Variants in CLEC12A observed in about 807,000 individuals in gnomAD.
CLEC12A encodes C-type lectin domain family 12 member A, also known as C-type lectin protein CLL-1.
CLEC12A carries 22 observed loss-of-function variants against 26.5 expected under a neutral mutation model. The observed-to-expected ratio is 0.83, with a 90% CI of 0.59 to 1.19. The LOEUF is 1.19. Among genes scored for constraint, CLEC12A ranks in the 50% most tolerant of loss-of-function variants. The pLI is 0.00. For missense variants in CLEC12A, 353 were observed against 315.6 expected, an observed-to-expected ratio of 1.12 and a Z score of -0.90; for synonymous variants, 119 against 101.9, an observed-to-expected ratio of 1.17 and a Z score of -1.01.
intron 5 of CLEC12A, chr12:9,983,650 G>A (rs1341800842): frequency 6.7e-6 from 4 of 596,078 alleles, no homozygotes; most frequent in Non-Finnish European, 1.2e-5. Flanking sequence ...CAACTGTGTT[G>A]AGGTGCCACC....
At chr12:9,963,823 A>G (rs981361903) in intron 1 of CLEC12A, among the ~76,000 whole-genome samples, 6 of 152,194 alleles carry the variant, frequency 3.9e-5, no homozygotes, top group Non-Finnish European at 8.8e-5. Context: ...ACTCCTGGGG[A>G]TCCAGCTAGG....
At position 9,954,060 on chromosome 12, in the gene CLEC12A, A is replaced by G. The variant is rs1262860037; in HGVS notation, c.10+2704A>G. On this transcript the variant is annotated intron_variant, in intron 1 of 6. Transcript: ENST00000355690. ...AATCCCTAATCTCAAGTAATCAGGG[A>G]CACAAACACTGCGGAAGGCCGCAGG... is the stretch of plus-strand genomic sequence containing the variant. 3.4e-5 allele frequency among the ~76,000 whole-genome samples: 5 copies of G among 148,422 alleles called. No individual in the cohort carries two copies. In the East Asian group the frequency reaches 9.8e-4, roughly 29 times the overall value.
downstream of CLEC12A, among the ~76,000 whole-genome samples, chr12:9,996,537 G>A (rs1865051889): frequency 6.8e-6 from 1 of 146,066 alleles, no homozygotes; most frequent in Non-Finnish European, 1.6e-5. Context: ...AGCACAGCAA[G>A]TTAGAACAAC....
chr12:9,985,570 G>A lies in CLEC12A; in HGVS notation c.*544G>A, dbSNP rs1864745613. 2.5e-6 allele frequency: 1 copy of A among 398,204 alleles called. No homozygotes were observed. The highest frequency in any genetic ancestry group is 4.4e-6 in the Non-Finnish European group (1 of 225,880). 24.7% of individuals were successfully genotyped at this position (398,204 alleles called of 1,614,324 possible). A position where few individuals can be genotyped will look rare whatever the true frequency, so the allele number is the denominator to read the frequency against. On this transcript the variant is annotated 3_prime_UTR_variant, in exon 6 of 6. Transcript: ENST00000304361. ...CTTAAAATTATTATTTTAAGTAAAAGCCAATAAACAAAAACGAAAAGGCAA... is the reference window on the plus strand; with the variant it reads ...CTTAAAATTATTATTTTAAGTAAAAACCAATAAACAAAAACGAAAAGGCAA...
chr12:9,954,228 A>G (rs1863703607), intron 1 of CLEC12A, among the ~76,000 whole-genome samples: 1 of 148,932 alleles, frequency 6.7e-6, no homozygotes, highest in South Asian at 2.1e-4. Context: ...AAAAAAAAAA[A>G]AAAAATCAAA....
chr12:9,994,935 G>A, intron 4 of CLEC12A: 1 of 1,338,970 alleles, frequency 7.5e-7, no homozygotes, highest in South Asian at 1.3e-5. Context: ...GATAAAGGTG[G>A]ATTGTGGCTT....
chr12:9,959,001 T>G (rs1228625273), intron 1 of CLEC12A, among the ~76,000 whole-genome samples: 1 of 152,212 alleles, frequency 6.6e-6, no homozygotes, highest in East Asian at 1.9e-4. Context: ...CTGGAAGACT[T>G]TGTAATTTTG....
chr12:9,995,403 T>C, exon 5 of CLEC12A: 1 of 698,906 alleles, frequency 1.4e-6, no homozygotes, highest in Non-Finnish European at 2.6e-6. Flanking sequence ...TTGTACCAAT[T>C]TGACTTGTCT....
chr12:9,972,914 A>G (rs1009408355), intron 1 of CLEC12A, among the ~76,000 whole-genome samples: 1 of 152,012 alleles, frequency 6.6e-6, no homozygotes, highest in African/African-American at 2.4e-5. Context: ...TATTACCAAC[A>G]ATTGCCCTTT....
At chr12:9,952,827 G>A (rs371857250) in intron 1 of CLEC12A, 7,340 of 91,986 alleles carry the variant, frequency 0.08, 418 homozygotes, top group East Asian at 0.2. Flanking sequence ...CTGCCCCGCC[G>A]CCCCATCTGG....
At chr12:9,960,445 A>T (rs1253930768) in intron 1 of CLEC12A, among the ~76,000 whole-genome samples, 1 of 152,228 alleles carries the variant, frequency 6.6e-6, no homozygotes, top group Non-Finnish European at 1.5e-5. Flanking sequence ...ATTATTTATC[A>T]TCCTTGTTCA....
intron 5 of CLEC12A, 31 bp from the exon 6 acceptor site, chr12:9,984,839 G>T: frequency 1.4e-6 from 2 of 1,392,940 alleles, no homozygotes; most frequent in African/African-American, 2.9e-5. Context: ...TATCTGACTT[G>T]CCAAGTGTAA....
At chr12:9,954,931 A>G (rs1863718279) in intron 1 of CLEC12A, among the ~76,000 whole-genome samples, 2 of 152,220 alleles carry the variant, frequency 1.3e-5, no homozygotes, top group Admixed American at 6.5e-5. Flanking sequence ...TAAAGGTGTC[A>G]GGGTTTGACA....
chr12:9,953,614 C>T (rs1301467846), intron 1 of CLEC12A, among the ~76,000 whole-genome samples: 27 of 150,940 alleles, frequency 1.8e-4, no homozygotes, highest in African/African-American at 5.6e-4. Flanking sequence ...CCCGGCCAGC[C>T]GCCCCGTCCG....
In CLEC12A at chr12:9,971,427, T is replaced by C; in HGVS notation, c.-170T>C. ...GAGATTTGGCTCATTTGCAGACATA[T>C]GGGTGATTGGTACAGTAGGTTTATA... On this transcript the variant is annotated 5_prime_UTR_variant, in exon 1 of 6. The change abolishes an upstream ATG in the 5' untranslated region. Coordinates refer to ENST00000304361, the MANE Select transcript of CLEC12A (RefSeq NM_138337.6). The C allele has an allele frequency of 6.3e-6, 8 of 1,276,186 alleles. No homozygotes were observed. The highest frequency in any genetic ancestry group is 7.9e-6 in the Non-Finnish European group (8 of 1,009,398). The allele number at this position is 1,276,186 out of a possible 1,614,324, so 79.1% of individuals were successfully genotyped here. A position where few individuals can be genotyped will look rare whatever the true frequency, so the allele number is the denominator to read the frequency against.
chr12:10,003,486 A>T, the CLEC12A span, among the ~76,000 whole-genome samples: 1 of 152,242 alleles, frequency 6.6e-6, no homozygotes, highest in Non-Finnish European at 1.5e-5. Flanking sequence ...AATGAATTGG[A>T]TTAAGATTTA....
intron 1 of CLEC12A, among the ~76,000 whole-genome samples, chr12:9,966,008 T>G (rs979112864): frequency 6.6e-6 from 1 of 151,984 alleles, no homozygotes; most frequent in Non-Finnish European, 1.5e-5. Flanking sequence ...TAGGAATAGT[T>G]AGGGAAGCAG....
At chr12:9,998,462 C>A, downstream of CLEC12A, 1 of 970,834 alleles carries the variant, frequency 1.0e-6, no homozygotes, top group Non-Finnish European at 1.7e-6. Flanking sequence ...CCTGCCCCTG[C>A]CTTCTCAGGG....
chr12:9,995,216 G>T, exon 5 of CLEC12A: 5 of 1,612,910 alleles, frequency 3.1e-6, no homozygotes, highest in Non-Finnish European at 4.2e-6. Flanking sequence ...CCGACCCAAC[G>T]AATTAAATGA....
Sources: allele counts gnomAD v4.1 joint callset (sites outside exome capture counted in the v4.1 genomes callset), GRCh38; gene constraint gnomAD v4.1.1; transcripts MANE v1.5; gene names NCBI Gene and HGNC (gene_info 2026-07-23, HGNC 2026-07-21).